KIRREL1: variants seen among roughly 807,000 people sequenced by gnomAD.
The protein encoded by KIRREL1 is kirre like nephrin family adhesion molecule 1.
KIRREL1 carries 25 observed loss-of-function variants against 83.3 expected under a neutral mutation model. The observed-to-expected ratio is 0.30, with a 90% CI of 0.22 to 0.42. KIRREL1 has a LOEUF of 0.42. KIRREL1 is among the 10% of genes least tolerant of loss of function. The pLI is 1.00. For synonymous variants in KIRREL1, 388 were observed against 410.4 expected, an observed-to-expected ratio of 0.95 and a Z score of 0.66; for missense variants, 812 against 1,032.3, an observed-to-expected ratio of 0.79 and a Z score of 2.92.
Position 158,036,660 on chromosome 1 carries a change from GGACCGC to G in KIRREL1, c.53-39450_53-39445del, listed in dbSNP as rs1660484030. Among the ~76,000 whole-genome samples, 3 of 152,146 alleles carry G rather than the reference GGACCGC, an allele frequency of 2.0e-5. 1 individual carries two copies. In the South Asian group the frequency reaches 6.2e-4, roughly 32 times the overall value. On this transcript the variant is annotated intron_variant, in intron 1 of 14. Transcript: ENST00000359209. ...CTTGATGGAGGAGATAAACATCCAT[GGACCGC>G]GATGCTTGGTGCAGTCTCGGTCAGC... is the stretch of plus-strand genomic sequence containing the variant.
chr1:158,078,148 C>A lies in KIRREL1; in HGVS notation c.352+8C>A. ...CCAAACTCACCGTGCTCAGTAAGGA[C>A]CCCAATACCCTTCAGTACTTCGAGG... On this transcript the variant is annotated splice_region_variant and intron_variant, in intron 3 of 14. Transcript: ENST00000359209. 3.1e-6 allele frequency: 5 copies of A among 1,612,926 alleles called. No individual in the cohort carries two copies. The highest frequency in any genetic ancestry group is 1.7e-5 in the Admixed American group (1 of 60,004).
At chr1:158,049,816 A>G (rs1455130314) in intron 1 of KIRREL1, among the ~76,000 whole-genome samples, 1 of 152,102 alleles carries the variant, frequency 6.6e-6, no homozygotes, top group East Asian at 1.9e-4. Context: ...AAAGTCTGGG[A>G]TGAGCCCCAG....
chr1:158,010,370 A>ACACT (rs1659644014), intron 1 of KIRREL1, among the ~76,000 whole-genome samples: 1 of 106,868 alleles, frequency 9.4e-6, no homozygotes, highest in Non-Finnish European at 1.9e-5. Flanking sequence ...CACCCCACAC[A>ACACT]GTCCTGAGAA....
Position 158,088,314 on chromosome 1 carries a change from T to C in KIRREL1, c.917-13T>C. The C allele has an allele frequency of 1.2e-6, 2 of 1,606,474 alleles. No homozygotes were observed. The highest frequency in any genetic ancestry group is 1.7e-6 in the Non-Finnish European group (2 of 1,176,938). On this transcript the variant is annotated splice_polypyrimidine_tract_variant and intron_variant, in intron 7 of 14. Coordinates refer to ENST00000359209, the MANE Select transcript of KIRREL1 (RefSeq NM_018240.7). Reference sequence around the variant, plus strand: ...CTTGAGACCCTAACGAGTGGCTTCTTTCTCCCTCACAGTTGCTCCCCGGAT... The same window carrying C: ...CTTGAGACCCTAACGAGTGGCTTCTCTCTCCCTCACAGTTGCTCCCCGGAT...
intron 3 of KIRREL1, 84 bp downstream of exon 3, chr1:158,078,224 T>G (rs1661744636): frequency 7.0e-7 from 1 of 1,419,090 alleles, no homozygotes; most frequent in African/African-American, 1.4e-5. Context: ...GTTCCCTCTT[T>G]AATTTCCCAG....
chr1:158,004,391 G>A (rs138367718), intron 1 of KIRREL1, among the ~76,000 whole-genome samples: 114 of 152,342 alleles, frequency 7.5e-4, no homozygotes, highest in African/African-American at 2.5e-3. Context: ...AGGGTGACCA[G>A]TGATGTAGGT....
At chr1:158,003,717 C>G (rs1385763016) in intron 1 of KIRREL1, among the ~76,000 whole-genome samples, 1 of 152,092 alleles carries the variant, frequency 6.6e-6, no homozygotes, top group East Asian at 1.9e-4. Context: ...CTCCCTTCAC[C>G]AGGCAGTGGG....
chr1:158,035,154 G>A (rs1026732704), intron 1 of KIRREL1, among the ~76,000 whole-genome samples: 8 of 152,194 alleles, frequency 5.3e-5, no homozygotes, highest in Admixed American at 2.0e-4. Context: ...TGGCTAGGTA[G>A]CTATTCAGGC....
intron 1 of KIRREL1, among the ~76,000 whole-genome samples, chr1:158,005,904 C>T (rs1376928776): frequency 6.6e-6 from 1 of 152,136 alleles, no homozygotes; most frequent in Non-Finnish European, 1.5e-5. Context: ...GACTGCCTGC[C>T]TTCAGGGTTC....
intron 1 of KIRREL1, among the ~76,000 whole-genome samples, chr1:158,074,625 C>G (rs992700089): frequency 6.6e-6 from 1 of 152,050 alleles, no homozygotes; most frequent in African/African-American, 2.4e-5. Flanking sequence ...CCGAGTGACG[C>G]GACCGGTTAT....
intron 1 of KIRREL1, among the ~76,000 whole-genome samples, chr1:158,072,703 C>T (rs1661550762): frequency 1.3e-5 from 2 of 151,930 alleles, no homozygotes; most frequent in South Asian, 4.2e-4. Context: ...GGAGTCGGTC[C>T]TGGGAAGCTC....
At chr1:157,998,213 G>A (rs555850513) in intron 1 of KIRREL1, among the ~76,000 whole-genome samples, 15 of 152,274 alleles carry the variant, frequency 9.9e-5, no homozygotes, top group African/African-American at 2.6e-4. Context: ...ATTGGTAGTT[G>A]TAGGAACCAG....
In KIRREL1 at chr1:158,098,748, G is replaced by A. The variant is rs568713039; in HGVS notation, c.*3628G>A. On this transcript the variant is annotated 3_prime_UTR_variant, in exon 15 of 15. Coordinates refer to ENST00000359209, the MANE Select transcript of KIRREL1 (RefSeq NM_018240.7). ...GGAGCAGTGCTGTGCTGTTATCACT[G>A]TCTTGCTTGGAATGAAAACATCTGA... 8.5e-5 allele frequency: 13 copies of A among 152,368 alleles called. No homozygotes were observed. Among genetic ancestry groups the A allele is most frequent in the African/African-American group, 3.1e-4 (13 of 41,588 alleles). 9.4% of individuals were successfully genotyped at this position (152,368 alleles called of 1,614,324 possible).
intron 2 of KIRREL1, among the ~76,000 whole-genome samples, chr1:158,076,946 G>A (rs182106912): frequency 5.9e-5 from 9 of 152,308 alleles, no homozygotes; most frequent in Non-Finnish European, 1.5e-5. Context: ...CCGCCAGCTG[G>A]GTGACCTTAG....
chr1:158,033,723 G>C (rs1004550267), intron 1 of KIRREL1, among the ~76,000 whole-genome samples: 1 of 152,182 alleles, frequency 6.6e-6, no homozygotes, highest in Non-Finnish European at 1.5e-5. Flanking sequence ...ACTCACATCT[G>C]TAATCCCAGC....
At chr1:158,073,966 C>G (rs1390872900) in intron 1 of KIRREL1, among the ~76,000 whole-genome samples, 1 of 152,196 alleles carries the variant, frequency 6.6e-6, no homozygotes, top group East Asian at 1.9e-4. Context: ...ACTCTTAAGC[C>G]CTTGACTTGG....
At chr1:158,080,056 C>T (rs10908616) in intron 3 of KIRREL1, among the ~76,000 whole-genome samples, 2 of 151,810 alleles carry the variant, frequency 1.3e-5, no homozygotes, top group African/African-American at 2.4e-5. Context: ...AAAAATTAGA[C>T]GGTGATCTTG....
intron 1 of KIRREL1, among the ~76,000 whole-genome samples, chr1:157,996,442 G>T (rs1030696973): frequency 6.6e-6 from 1 of 152,048 alleles, no homozygotes; most frequent in African/African-American, 2.4e-5. Flanking sequence ...GCTCGGGGAG[G>T]GAGCTGCCTC....
At chr1:158,037,290 C>T (rs1384457777) in intron 1 of KIRREL1, among the ~76,000 whole-genome samples, 5 of 152,122 alleles carry the variant, frequency 3.3e-5, no homozygotes, top group Non-Finnish European at 7.3e-5. Context: ...GTCAGGACTT[C>T]AAGATCAGCC....
Sources: gnomAD v4.1 joint callset for allele counts (sites outside exome capture counted in the v4.1 genomes callset) on GRCh38, gnomAD v4.1.1 for gene constraint, MANE v1.5 for transcripts, NCBI Gene and HGNC (gene_info 2026-07-23, HGNC 2026-07-21) for gene names.